The following SPG7 variants were observed in gnomAD, a reference collection of about 807,000 sequenced individuals.
The protein encoded by SPG7 is SPG7 matrix AAA peptidase subunit, paraplegin.
Under a neutral mutation model 81.9 loss-of-function variants are expected in SPG7, and 103 were observed. The observed-to-expected ratio is 1.26, with a 90% CI of 1.07 to 1.48. The LOEUF (loss-of-function observed/expected upper bound fraction) is 1.48. Among genes scored for constraint, SPG7 ranks in the 40% most tolerant of loss-of-function variants. The pLI is 0.00. For synonymous variants in SPG7, 534 were observed against 444.2 expected (o/e 1.20, Z -2.54); for missense variants, 1,241 against 1,087.3 (o/e 1.14, Z -1.99).
intron 7 of SPG7, chr16:89,531,158 T>TA (rs774442036): frequency 2.5e-6 from 1 of 395,254 alleles, no homozygotes; most frequent in Admixed American, 3.6e-5. Flanking sequence ...GTGCGTCACT[T>TA]ACACGTTTCC....
chr16:89,528,850 A>G (rs949454131), intron 5 of SPG7: 2 of 159,504 alleles, frequency 1.3e-5, no homozygotes, highest in African/African-American at 4.8e-5. Flanking sequence ...CTTGCTCTGT[A>G]GCTCAGGCTG....
intron 12 of SPG7, 80 bp from the exon 13 acceptor site, chr16:89,550,414 C>G (rs1215350369): frequency 1.0e-6 from 1 of 955,334 alleles, no homozygotes; most frequent in African/African-American, 1.6e-5. Context: ...CTCAGGTCAT[C>G]CGCCCGCCTT....
intron 16 of SPG7, chr16:89,554,872 G>A (rs1327323456): frequency 2.0e-5 from 6 of 295,606 alleles, no homozygotes; most frequent in Non-Finnish European, 3.9e-5. Flanking sequence ...CTTTTTTCTT[G>A]AACATTTTTT....
At chr16:89,509,677 G>A (rs1372622107) in intron 1 of SPG7, among the ~76,000 whole-genome samples, 5 of 152,174 alleles carry the variant, frequency 3.3e-5, no homozygotes, top group Non-Finnish European at 7.3e-5. Context: ...CAGGAGCCCC[G>A]TGTCTGGGCA....
chr16:89,510,809 C>T (rs1450593674), intron 2 of SPG7, among the ~76,000 whole-genome samples: 3 of 152,132 alleles, frequency 2.0e-5, no homozygotes, highest in African/African-American at 2.4e-5. Flanking sequence ...GGACTACAGG[C>T]GTGTACCGTC....
chr16:89,554,742 C>A (rs1473393128), intron 16 of SPG7, 179 bp downstream of exon 16: 2 of 619,132 alleles, frequency 3.2e-6, no homozygotes, highest in Admixed American at 4.6e-5. Flanking sequence ...TTATCCTGAA[C>A]TCGTCAAGTG....
intron 10 of SPG7, chr16:89,545,251 C>T (rs542215815): frequency 4.0e-5 from 11 of 278,436 alleles, no homozygotes; most frequent in Non-Finnish European, 6.3e-5. Flanking sequence ...TGAGGCCTCT[C>T]GCCTGATCCC....
rs1376898389 is a variant in SPG7 at position 89,553,817 on chromosome 16, G to A, written c.1960G>A (p.Val654Ile). The A allele has an allele frequency of 1.2e-6, 2 of 1,613,418 alleles. No individual in the cohort carries two copies. The highest frequency in any genetic ancestry group is 2.2e-5 in the South Asian group (2 of 91,090). The change falls in exon 15 of 17, where the codon GTC becomes ATC. Residue 654 changes from valine to isoleucine, a missense_variant. Transcript: ENST00000645818. Reference protein sequence around the residue: ...TSGAQDDLRKVTRIAYSMVKQ... With the variant: ...TSGAQDDLRKITRIAYSMVKQ... ...AGGGGCACAGGACGACCTGAGGAAG[G>A]TCACCCGCATCGCCTACTCCATGGT...
intron 13 of SPG7, chr16:89,551,946 C>A (rs1030300909): frequency 3.3e-5 from 5 of 152,160 alleles, no homozygotes; most frequent in Non-Finnish European, 5.9e-5. Context: ...CAGATAGTCA[C>A]AATGAAAAAG....
At chr16:89,526,916 CCGACG>C (rs1333336199) in intron 5 of SPG7, 24 of 176,248 alleles carry the variant, frequency 1.4e-4, no homozygotes, top group African/African-American at 4.2e-4. Context: ...GTCTCAGCCC[CCGACG>C]TAGGATGGCG....
At chr16:89,551,044 CA>C (rs2058629080) in intron 13 of SPG7, 1 of 260,958 alleles carries the variant, frequency 3.8e-6, no homozygotes, top group African/African-American at 2.2e-5. Context: ...GCCTGGCCAA[CA>C]GGGCAAAACT....
intron 3 of SPG7, 135 bp from the exon 4 acceptor site, chr16:89,523,871 G>A (rs570443660): frequency 4.5e-6 from 5 of 1,113,478 alleles, no homozygotes; most frequent in African/African-American, 1.5e-5. Flanking sequence ...GGGAAGAATT[G>A]GAGGAAGTGC....
chr16:89,553,323 T>C, intron 14 of SPG7, 188 bp downstream of exon 14: 3 of 679,182 alleles, frequency 4.4e-6, no homozygotes, highest in South Asian at 1.8e-5. Context: ...GATAATTTAA[T>C]TGGACAAAAA....
At chr16:89,510,263 C>T (rs574406140) in intron 1 of SPG7, among the ~76,000 whole-genome samples, 66 of 152,274 alleles carry the variant, frequency 4.3e-4, no homozygotes, top group African/African-American at 1.6e-3. Flanking sequence ...CCGTGAGCCA[C>T]CACGCCTGGC....
At chr16:89,534,394 T>C (rs463181) in intron 9 of SPG7, among the ~76,000 whole-genome samples, 68,521 of 152,160 alleles carry the variant, frequency 0.45, 15,809 homozygotes, top group East Asian at 0.67. Flanking sequence ...TCTTGTTATT[T>C]GCCCGTCGGT....
chr16:89,508,719 G>GCCCGCGGATCCCCCAGCTGTGGA, intron 1 of SPG7, 119 bp downstream of exon 1: 1 of 1,061,518 alleles, frequency 9.4e-7, no homozygotes, highest in Non-Finnish European at 1.4e-6. Flanking sequence ...GCGCCTGTGG[G>GCCCGCGGATCCCCCAGCTGTGGA]CCCGCGGATC....
intron 13 of SPG7, chr16:89,552,529 A>G (rs1208636121): frequency 4.6e-6 from 1 of 219,088 alleles, no homozygotes. Context: ...GCCCCGCGCC[A>G]CCTCCTTGCA....
intron 4 of SPG7, among the ~76,000 whole-genome samples, chr16:89,525,144 T>G (rs1225920161): frequency 6.6e-6 from 1 of 151,816 alleles, no homozygotes. Context: ...ATTTTTTGTT[T>G]TTTTGGAGAG....
chr16:89,557,413 A>C lies in SPG7; in HGVS notation c.*320A>C, dbSNP rs898918249. 2.5e-6 allele frequency: 1 copy of C among 398,360 alleles called. No individual in the cohort carries two copies. Among genetic ancestry groups the C allele is most frequent in the Non-Finnish European group, 4.7e-6 (1 of 213,294 alleles). The allele number at this position is 398,360 out of a possible 1,614,324, so 24.7% of individuals were successfully genotyped here. A position where few individuals can be genotyped will look rare whatever the true frequency, so the allele number is the denominator to read the frequency against. On this transcript the variant is annotated 3_prime_UTR_variant, in exon 17 of 17. Transcript: ENST00000645818. Reference sequence around the variant, plus strand: ...AGTGTGGCTGAGGCCACCCAGAGGCAGCAGAGCATTCAGACTCCAAACAGA... The same window carrying C: ...AGTGTGGCTGAGGCCACCCAGAGGCCGCAGAGCATTCAGACTCCAAACAGA...
Sources: gnomAD v4.1 joint callset for allele counts (sites outside exome capture counted in the v4.1 genomes callset) on GRCh38, gnomAD v4.1.1 for gene constraint, MANE v1.5 for transcripts, NCBI Gene and HGNC (gene_info 2026-07-23, HGNC 2026-07-21) for gene names.